The following DPP4 variants were observed in gnomAD, a reference collection of about 807,000 sequenced individuals.
DPP4 encodes ADCP-2.
A neutral mutation model predicts 122.4 loss-of-function variants in DPP4; 93 were observed. The observed-to-expected ratio is 0.76, with a 90% CI of 0.64 to 0.90. The LOEUF is 0.90. DPP4 is among the 40% of genes least tolerant of loss of function. The probability of loss-of-function intolerance (pLI) is 0.00; values close to 1 mark genes in which losing one functional copy is unlikely to be tolerated. For missense variants in DPP4, 914 were observed against 907.3 expected, an observed-to-expected ratio of 1.01 and a Z score of -0.09; for synonymous variants, 321 against 302.9, an observed-to-expected ratio of 1.06 and a Z score of -0.62.
rs138320647 is a variant in DPP4 at position 162,033,862 on chromosome 2, G to GTATATATATATATATA, written c.775-225_775-210dup. Among the ~76,000 whole-genome samples, 739 of 103,884 alleles carry GTATATATATATATATA rather than the reference G, an allele frequency of 7.1e-3. 13 individuals are homozygous for GTATATATATATATATA. The highest frequency in any genetic ancestry group is 0.012 in the East Asian group (26 of 2,092). 68.2% of individuals were successfully genotyped at this position (103,884 alleles called of 152,430 possible). A position where few individuals can be genotyped will look rare whatever the true frequency, so the allele number is the denominator to read the frequency against. On this transcript the variant is annotated intron_variant, in intron 9 of 25. Coordinates refer to ENST00000360534, the MANE Select transcript of DPP4 (RefSeq NM_001935.4). ...ATGGTCAGGCAGAAACAGAATATGT[G>GTATATATATATATATA]TATATATATATATATATATATATAT...
intron 20 of DPP4, 94 bp from the exon 21 acceptor site, chr2:162,009,389 T>A: frequency 8.9e-7 from 1 of 1,119,838 alleles, no homozygotes; most frequent in Non-Finnish European, 1.4e-6. Flanking sequence ...ATTTGTTCTC[T>A]GCTTCATTCT....
At chr2:162,065,041 A>C (rs1476014067) in intron 2 of DPP4, among the ~76,000 whole-genome samples, 1 of 152,234 alleles carries the variant, frequency 6.6e-6, no homozygotes, top group Non-Finnish European at 1.5e-5. Context: ...TTTTCAATTC[A>C]ACTTAGGTAT....
intron 18 of DPP4, 56 bp downstream of exon 18, chr2:162,016,712 G>C (rs2106096110): frequency 8.6e-7 from 1 of 1,162,690 alleles, no homozygotes; most frequent in African/African-American, 1.5e-5. Flanking sequence ...AATTACTATA[G>C]TTAGAGTGCA....
chr2:162,008,490 AGGAAT>A, intron 22 of DPP4, 67 bp downstream of exon 22: 1 of 1,290,080 alleles, frequency 7.8e-7, no homozygotes, highest in South Asian at 1.2e-5. Flanking sequence ...AAACTCAGAA[AGGAAT>A]GGCTTTGTTA....
chr2:162,052,002 G>T (rs962403018), intron 2 of DPP4, among the ~76,000 whole-genome samples: 3 of 152,094 alleles, frequency 2.0e-5, no homozygotes, highest in East Asian at 3.9e-4. Context: ...GGCCTTTTTG[G>T]GAAGTGGTTA....
intron 8 of DPP4, among the ~76,000 whole-genome samples, chr2:162,036,402 C>T (rs747203641): frequency 3.9e-5 from 6 of 152,046 alleles, no homozygotes; most frequent in Admixed American, 1.3e-4. Context: ...GCTAACTATG[C>T]GCCAGGTATT....
At position 161,993,206 on chromosome 2, in the gene DPP4, C is replaced by A. The variant is rs897046082; in HGVS notation, c.*77G>T. ...TGTGTATTTTAAAGATCATCATCAT[C>A]TTGACAGTGCAGTTTTGAGATAATG... On this transcript the variant is annotated 3_prime_UTR_variant, in exon 26 of 26. Transcript: ENST00000360534. 7.1e-6 allele frequency: 8 copies of A among 1,129,338 alleles called. No homozygotes were observed. Among genetic ancestry groups the A allele is most frequent in the South Asian group, 1.3e-5 (1 of 77,828 alleles). The allele number at this position is 1,129,338 out of a possible 1,614,324, so 70.0% of individuals were successfully genotyped here.
In DPP4 at chr2:162,024,747, C is replaced by T. The variant is rs938089783; in HGVS notation, c.1023+57G>A. 3.1e-6 allele frequency: 5 copies of T among 1,591,698 alleles called. No homozygotes were observed. The African/African-American group carries it at 6.7e-5, about 21-fold the overall frequency. On this transcript the variant is annotated intron_variant, in intron 11 of 25. Coordinates refer to ENST00000360534, the MANE Select transcript of DPP4 (RefSeq NM_001935.4). ...TCCCAGCCTTCACTCTCCCCAACTG[C>T]ACAGACCCTCTGATCACATGTTGCT... is the stretch of plus-strand genomic sequence containing the variant.
chr2:162,062,231 G>A lies in DPP4; in HGVS notation c.94+11168C>T, dbSNP rs192008895. Among the ~76,000 whole-genome samples the A allele has an allele frequency of 8.8e-3, 1,345 of 152,268 alleles. 19 individuals carry two copies. The highest frequency in any genetic ancestry group is 0.027 in the South Asian group (128 of 4,828). ...TGGGAGGCAGTGGTTGCAGTGAGCT[G>A]AGACTGCATCGCTGCACTCCAGCCT... On this transcript the variant is annotated intron_variant, in intron 2 of 25. Transcript: ENST00000360534.
At chr2:162,002,780 G>T (rs1406341362) in intron 23 of DPP4, among the ~76,000 whole-genome samples, 1 of 152,120 alleles carries the variant, frequency 6.6e-6, no homozygotes. Flanking sequence ...GAGGAAAATA[G>T]AATCTTTGAA....
chr2:162,029,577 T>C (rs1256150527), intron 10 of DPP4, among the ~76,000 whole-genome samples: 1 of 152,218 alleles, frequency 6.6e-6, no homozygotes. Context: ...GCTTCCAGTT[T>C]ATTTATATCC....
rs748564561 is a variant in DPP4 at position 162,047,006 on chromosome 2, T to C, written c.194A>G (p.Asp65Gly). Residue 65 changes from aspartate (D) to glycine (G), a missense_variant and splice_region_variant, in exon 4 of 26, where the codon GAT becomes GGT. Transcript: ENST00000360534. ...LKLYSLRWIS[D>G]HEYLYKQENN... Reference sequence around the variant, plus strand: ...TTCTTGTTTGTAGAGATATTCATGATCTAAAGAGAGAAAACACCCAGATCA... The same window carrying C: ...TTCTTGTTTGTAGAGATATTCATGACCTAAAGAGAGAAAACACCCAGATCA... 3.9e-6 allele frequency: 6 copies of C among 1,527,800 alleles called. No individual in the cohort carries two copies. The East Asian group carries it at 1.4e-4, about 34-fold the overall frequency. 94.6% of individuals were successfully genotyped at this position (1,527,800 alleles called of 1,614,324 possible).
chr2:162,023,218 C>T (rs1024194803), intron 11 of DPP4, among the ~76,000 whole-genome samples: 2 of 152,160 alleles, frequency 1.3e-5, no homozygotes, highest in South Asian at 2.1e-4. Flanking sequence ...TTTGACTTCT[C>T]TGTCCTTCTC....
intron 8 of DPP4, 24 bp from the exon 9 acceptor site, chr2:162,035,348 T>C (rs376058406): frequency 3.7e-6 from 6 of 1,605,822 alleles, no homozygotes; most frequent in Non-Finnish European, 5.1e-6. Flanking sequence ...CAAATTGTTC[T>C]GTTACAAGAA....
In DPP4 at chr2:162,045,551, A is replaced by G. The variant is rs1369578806; in HGVS notation, c.347T>C (p.Leu116Ser). Residue 116 changes from leucine to serine, a missense_variant, in exon 5 of 26, where the codon TTA (leucine) becomes TCA (serine). Leu to Ser is a moderately radical substitution (Grantham distance 145). Coordinates refer to ENST00000360534, the MANE Select transcript of DPP4 (RefSeq NM_001935.4). The part of the protein sequence containing the change: ...SISPDGQFIL[L>S]EYNYVKQWRH... ...TTTTACCTTCACGTAGTTGTATTCT[A>G]AGAGAATAAACTGCCCATCAGGAGA... 1.2e-6 allele frequency: 2 copies of G among 1,609,608 alleles called. No homozygotes were observed. Among genetic ancestry groups the G allele is most frequent in the Non-Finnish European group, 1.7e-6 (2 of 1,176,034 alleles).
chr2:162,054,322 T>C (rs910372447), intron 2 of DPP4, among the ~76,000 whole-genome samples: 1 of 152,228 alleles, frequency 6.6e-6, no homozygotes, highest in African/African-American at 2.4e-5. Context: ...AAACTTACCT[T>C]GGGTTTCACC....
Position 162,030,235 on chromosome 2 carries a change from T to A in DPP4, c.887+3306A>T, listed in dbSNP as rs538284126. On this transcript the variant is annotated intron_variant, in intron 10 of 25. Transcript: ENST00000360534. ...ACACAAAATAGCATCATAACAAATC[T>A]AATCAACTTTAGCACTAAATCAATG... Among the ~76,000 whole-genome samples, 5 of 152,368 alleles carry A rather than the reference T, an allele frequency of 3.3e-5. No homozygotes were observed. In the East Asian group the frequency reaches 9.6e-4, roughly 29 times the overall value.
chr2:162,073,028 C>T (rs1384858668), intron 2 of DPP4, among the ~76,000 whole-genome samples: 1 of 152,066 alleles, frequency 6.6e-6, no homozygotes, highest in African/African-American at 2.4e-5. Context: ...TCTTTAAACA[C>T]TGCCTTTTTT....
intron 22 of DPP4, among the ~76,000 whole-genome samples, chr2:162,007,084 T>C (rs1419789856): frequency 2.0e-5 from 3 of 152,122 alleles, no homozygotes; most frequent in Non-Finnish European, 2.9e-5. Context: ...TGATATTTTA[T>C]CATTTTGATT....
Sources: gnomAD v4.1 joint callset for allele counts (sites outside exome capture counted in the v4.1 genomes callset) on GRCh38, gnomAD v4.1.1 for gene constraint, MANE v1.5 for transcripts, NCBI Gene and HGNC (gene_info 2026-07-23, HGNC 2026-07-21) for gene names.